EPHA3: variants seen among roughly 807,000 people sequenced by gnomAD.
The protein encoded by EPHA3 is EPH receptor A3, also known as ephrin type-A receptor 3.
A neutral mutation model predicts 107.1 loss-of-function variants in EPHA3; 42 were observed. That is an observed-to-expected ratio of 0.39 (90% CI 0.31 to 0.51). The LOEUF is 0.51. EPHA3 is among the 20% of genes least tolerant of loss of function. The pLI is 0.78. For synonymous variants in EPHA3, 461 were observed against 424.8 expected (o/e 1.09, Z -1.05); for missense variants, 1,183 against 1,211.2 (o/e 0.98, Z 0.35).
intron 5 of EPHA3, among the ~76,000 whole-genome samples, chr3:89,368,813 GAAAAAACAAAAAAC>G (rs376148145): frequency 5.4e-5 from 8 of 149,522 alleles, no homozygotes; most frequent in South Asian, 2.1e-4. Context: ...GATTCACCCA[GAAAAAACAAAAAAC>G]AAAAAACAAA....
At chr3:89,228,504 A>G (rs1464249880) in intron 3 of EPHA3, among the ~76,000 whole-genome samples, 6 of 151,958 alleles carry the variant, frequency 3.9e-5, no homozygotes, top group African/African-American at 1.2e-4. Context: ...ATATTGATTT[A>G]CATAAAAATT....
At chr3:89,167,099 GA>G (rs1307292667) in intron 2 of EPHA3, among the ~76,000 whole-genome samples, 3 of 151,676 alleles carry the variant, frequency 2.0e-5, no homozygotes, top group Admixed American at 6.6e-5. Context: ...CAATGACCTG[GA>G]AAAAAAATGA....
intron 5 of EPHA3, among the ~76,000 whole-genome samples, chr3:89,366,176 A>C (rs114898734): frequency 0.026 from 3,925 of 150,590 alleles, 184 homozygotes; most frequent in African/African-American, 0.09. Context: ...AAAAAAACAG[A>C]ACCAATACAT....
intron 3 of EPHA3, among the ~76,000 whole-genome samples, chr3:89,232,919 C>T (rs1704671309): frequency 6.6e-6 from 1 of 152,160 alleles, no homozygotes; most frequent in South Asian, 2.1e-4. Flanking sequence ...TGTTAGCTCT[C>T]TTTTCTCCCT....
chr3:89,135,874 G>A (rs1704299602), intron 2 of EPHA3, among the ~76,000 whole-genome samples: 1 of 151,836 alleles, frequency 6.6e-6, no homozygotes, highest in African/African-American at 2.4e-5. Context: ...TCATAGAACT[G>A]TTTAAAATGA....
chr3:89,420,635 A>G (rs192699970), intron 11 of EPHA3, among the ~76,000 whole-genome samples: 34 of 151,622 alleles, frequency 2.2e-4, no homozygotes, highest in Admixed American at 5.9e-4. Flanking sequence ...AAGGATTGGG[A>G]AAGTGTATGA....
intron 15 of EPHA3, among the ~76,000 whole-genome samples, chr3:89,459,499 T>TTCTC (rs1553696188): frequency 7.0e-6 from 1 of 142,168 alleles, no homozygotes; most frequent in Admixed American, 7.0e-5. Context: ...CTCTCCTTCC[T>TTCTC]TCCTTCCTTC....
intron 3 of EPHA3, among the ~76,000 whole-genome samples, chr3:89,263,246 T>C (rs1244896328): frequency 6.6e-6 from 1 of 152,016 alleles, no homozygotes; most frequent in Non-Finnish European, 1.5e-5. Flanking sequence ...AGAATGATAA[T>C]TTCCAGCTTC....
intron 5 of EPHA3, among the ~76,000 whole-genome samples, chr3:89,357,210 A>G (rs182782419): frequency 1.3e-5 from 2 of 150,102 alleles, no homozygotes; most frequent in African/African-American, 4.9e-5. Flanking sequence ...AGGTGGCAAC[A>G]AATGTTCTAA....
At chr3:89,299,215 T>TGAAAAGGAAGC (rs1377002141) in intron 3 of EPHA3, among the ~76,000 whole-genome samples, 2 of 151,992 alleles carry the variant, frequency 1.3e-5, no homozygotes, top group African/African-American at 2.4e-5. Context: ...CAGGAGGAAG[T>TGAAAAGGAAGC]GACAAGGAAG....
chr3:89,119,369 A>G (rs1707328358), intron 1 of EPHA3, among the ~76,000 whole-genome samples: 1 of 152,118 alleles, frequency 6.6e-6, no homozygotes, highest in African/African-American at 2.4e-5. Context: ...TCTTTCATCA[A>G]TAAATTAAAA....
At chr3:89,390,319 C>A (rs914141337) in intron 5 of EPHA3, among the ~76,000 whole-genome samples, 15 of 152,076 alleles carry the variant, frequency 9.9e-5, no homozygotes, top group African/African-American at 3.6e-4. Flanking sequence ...GGTACTTTGG[C>A]CGGGTGTGGT....
intron 9 of EPHA3, among the ~76,000 whole-genome samples, chr3:89,409,236 A>T (rs1253066607): frequency 1.3e-5 from 2 of 152,126 alleles, no homozygotes. Flanking sequence ...GTCCAGATTA[A>T]TTAGGTGACC....
chr3:89,416,446 C>A (rs965075304), intron 10 of EPHA3, among the ~76,000 whole-genome samples: 1 of 151,158 alleles, frequency 6.6e-6, no homozygotes, highest in Non-Finnish European at 1.5e-5. Flanking sequence ...CAATACAGTT[C>A]TTTTATTTTT....
rs750779844 is a variant in EPHA3 at position 89,210,185 on chromosome 3, G to A, written c.479G>A (p.Arg160His). The A allele has an allele frequency of 6.8e-6, 11 of 1,613,984 alleles. No individual in the cohort carries two copies. The highest frequency in any genetic ancestry group is 7.6e-6 in the Non-Finnish European group (9 of 1,179,930). The change falls in exon 3 of 17, where the codon CGT becomes CAT. Residue 160 changes from arginine to histidine, a missense_variant. By Grantham distance (29) the Arg-to-His change is conservative (BLOSUM62 0). Coordinates refer to ENST00000336596, the MANE Select transcript of EPHA3 (RefSeq NM_005233.6). ...ESFTQMDLGDRILKLNTEIRE... is the reference protein window; with the variant it reads ...ESFTQMDLGDHILKLNTEIRE... The stretch of plus-strand genomic sequence containing the variant: ...TTCACTCAAATGGATCTTGGGGACC[G>A]TATTCTGAAGCTCAACACTGAGATT...
intron 5 of EPHA3, among the ~76,000 whole-genome samples, chr3:89,357,778 C>T (rs1486557988): frequency 6.6e-5 from 10 of 151,164 alleles, no homozygotes; most frequent in Non-Finnish European, 1.5e-4. Context: ...AGGCTAAGAA[C>T]ATAGCATGCT....
intron 12 of EPHA3, among the ~76,000 whole-genome samples, chr3:89,429,504 A>G (rs925756508): frequency 2.0e-5 from 3 of 152,154 alleles, no homozygotes; most frequent in African/African-American, 7.2e-5. Flanking sequence ...TTTTTAAGTA[A>G]TCTCAGTCTG....
At chr3:89,155,882 C>T (rs535279999) in intron 2 of EPHA3, among the ~76,000 whole-genome samples, 8 of 151,894 alleles carry the variant, frequency 5.3e-5, no homozygotes, top group Non-Finnish European at 8.8e-5. Context: ...GGAACCAAGT[C>T]GTACTGCAGT....
Position 89,351,912 on chromosome 3 carries a change from T to C in EPHA3, c.1306+9822T>C, listed in dbSNP as rs542186076. ...AAATAAATAAGTAATTTTCTGTAAATTCAAGGCAGATGCAAAAAAAAAAAA... is the reference window on the plus strand; with the variant it reads ...AAATAAATAAGTAATTTTCTGTAAACTCAAGGCAGATGCAAAAAAAAAAAA... On this transcript the variant is annotated intron_variant, in intron 5 of 16. Transcript: ENST00000336596. 2.0e-5 allele frequency among the ~76,000 whole-genome samples: 3 copies of C among 146,776 alleles called. No homozygotes were observed. In the South Asian group the frequency reaches 6.4e-4, roughly 31 times the overall value.
Sources: gnomAD v4.1 joint callset for allele counts (sites outside exome capture counted in the v4.1 genomes callset) on GRCh38, gnomAD v4.1.1 for gene constraint, MANE v1.5 for transcripts, NCBI Gene and HGNC (gene_info 2026-07-23, HGNC 2026-07-21) for gene names.